GJC1: variants seen among roughly 807,000 people sequenced by gnomAD.
GJC1 encodes gap junction gamma-1 protein.
A neutral mutation model predicts 29.3 loss-of-function variants in GJC1; 5 were observed. The observed-to-expected ratio is 0.17, with a 90% CI of 0.09 to 0.36. The LOEUF (loss-of-function observed/expected upper bound fraction) is 0.36, where lower values mean the gene tolerates loss of function less well. GJC1 is among the 10% of genes least tolerant of loss of function. The probability of loss-of-function intolerance (pLI) is 1.00; values close to 1 mark genes in which losing one functional copy is unlikely to be tolerated. For missense variants in GJC1, 310 were observed against 496.2 expected (o/e 0.62, Z 3.56); for synonymous variants, 177 against 183.3 (o/e 0.97, Z 0.28).
rs199789186 is a variant in GJC1, at chr17:44,804,300, T to TA, written c.*326dup. On this transcript the variant is annotated 3_prime_UTR_variant, in exon 3 of 3. Transcript: ENST00000592524. ...ACAAATACAAAAAAAGTTCTCATAC[T>TA]AAAAAAAAAAAAGTACCATAATACT... 0.14 allele frequency: 26,725 copies of TA among 187,674 alleles called. 1,519 individuals carry two copies. The highest frequency in any genetic ancestry group is 0.19 in the African/African-American group (7,994 of 41,082). The allele number at this position is 187,674 out of a possible 1,614,324, so 11.6% of individuals were successfully genotyped here.
intron 1 of GJC1, among the ~76,000 whole-genome samples, chr17:44,809,661 C>T (rs1238980092): frequency 1.3e-5 from 2 of 151,944 alleles, no homozygotes; most frequent in Non-Finnish European, 1.5e-5. Flanking sequence ...ACCTCCACCT[C>T]CCAGGTTCAA....
chr17:44,808,406 G>A (rs1311716314), intron 1 of GJC1, among the ~76,000 whole-genome samples: 1 of 148,650 alleles, frequency 6.7e-6, no homozygotes, highest in African/African-American at 2.5e-5. Flanking sequence ...CAACCTGGTA[G>A]ATAGAACAAC....
At chr17:44,813,607 C>T (rs1020458011) in intron 1 of GJC1, among the ~76,000 whole-genome samples, 5 of 150,176 alleles carry the variant, frequency 3.3e-5, no homozygotes, top group Non-Finnish European at 5.9e-5. Context: ...ATTCTCCTGC[C>T]TTAGCATCCT....
intron 1 of GJC1, among the ~76,000 whole-genome samples, chr17:44,810,759 T>C (rs1249189797): frequency 6.6e-6 from 1 of 152,094 alleles, no homozygotes; most frequent in Non-Finnish European, 1.5e-5. Context: ...CTCTCTATAC[T>C]GGATGGACAT....
At chr17:44,830,436 C>T (rs1457742206), upstream of GJC1, among the ~76,000 whole-genome samples, 1 of 152,108 alleles carries the variant, frequency 6.6e-6, no homozygotes, top group African/African-American at 2.4e-5. The surrounding 1 kb of genome is among the most constrained non-coding windows in gnomAD (Gnocchi z 4.3). Context: ...CGGTCGAGTC[C>T]TCGCCGCTCT....
In GJC1 at chr17:44,805,962, T is replaced by A; in HGVS notation, c.-20-125A>T. Reference sequence around the variant, plus strand: ...TGAAATCTAACCTCAAGGTTCACAGTGGAACAAATGTTAGAATAAACAGCA... The same window carrying A: ...TGAAATCTAACCTCAAGGTTCACAGAGGAACAAATGTTAGAATAAACAGCA... On this transcript the variant is annotated intron_variant, in intron 2 of 2. Coordinates refer to ENST00000592524, the MANE Select transcript of GJC1 (RefSeq NM_005497.4). This position sits in a 1 kb window ranked among gnomAD's most constrained non-coding sequence, Gnocchi z 5.1. The A allele has an allele frequency of 1.7e-6, 1 of 596,536 alleles. No homozygotes were observed. The highest frequency in any genetic ancestry group is 2.9e-6 in the Non-Finnish European group (1 of 343,840). 37.0% of individuals were successfully genotyped at this position (596,536 alleles called of 1,614,324 possible).
intron 1 of GJC1, among the ~76,000 whole-genome samples, chr17:44,822,159 T>C (rs1339254879): frequency 8.1e-6 from 1 of 123,408 alleles, no homozygotes; most frequent in Non-Finnish European, 1.6e-5. Context: ...ATCGTGCCAC[T>C]GCACTCCAGC....
At chr17:44,798,059 C>T (rs1378198081), downstream of GJC1, among the ~76,000 whole-genome samples, 2 of 152,168 alleles carry the variant, frequency 1.3e-5, no homozygotes, top group East Asian at 1.9e-4. Context: ...CCTCCAGAAC[C>T]GAGGGAAGTC....
chr17:44,819,008 C>G (rs2050074391), intron 1 of GJC1, among the ~76,000 whole-genome samples: 1 of 152,008 alleles, frequency 6.6e-6, no homozygotes, highest in Non-Finnish European at 1.5e-5. Flanking sequence ...AAAAACCCCC[C>G]TCATTAACTT....
chr17:44,804,422 G>T lies in GJC1; in HGVS notation c.*205C>A. On this transcript the variant is annotated 3_prime_UTR_variant, in exon 3 of 3. Coordinates refer to ENST00000592524, the MANE Select transcript of GJC1 (RefSeq NM_005497.4). Reference sequence around the variant, plus strand: ...TGTAAAGTTCTGCAACTGTATTATTGCTAAGAACATGTGCCTGGGAACACT... The same window carrying T: ...TGTAAAGTTCTGCAACTGTATTATTTCTAAGAACATGTGCCTGGGAACACT... 1 of 544,202 alleles carries T rather than the reference G, an allele frequency of 1.8e-6. No individual in the cohort carries two copies. The highest frequency in any genetic ancestry group is 3.2e-6 in the Non-Finnish European group (1 of 308,150). 33.7% of individuals were successfully genotyped at this position (544,202 alleles called of 1,614,324 possible).
rs1292173712 is a variant in GJC1 at position 44,798,514 on chromosome 17, G to A, written c.*6113C>T. The A allele has an allele frequency of 6.6e-6, 1 of 152,190 alleles. No homozygotes were observed. Among genetic ancestry groups the A allele is most frequent in the East Asian group, 1.9e-4 (1 of 5,200 alleles). The allele number at this position is 152,190 out of a possible 1,614,324, so 9.4% of individuals were successfully genotyped here. Reference sequence around the variant, plus strand: ...AGAGACAAGGCCCTGAGCACACAGAGTCCGTCTCCACCATGAAAATATTAC... The same window carrying A: ...AGAGACAAGGCCCTGAGCACACAGAATCCGTCTCCACCATGAAAATATTAC... On this transcript the variant is annotated 3_prime_UTR_variant, in exon 3 of 3. Transcript: ENST00000592524.
intron 1 of GJC1, among the ~76,000 whole-genome samples, chr17:44,814,470 GCTT>G (rs1466821653): frequency 2.6e-5 from 4 of 151,940 alleles, no homozygotes; most frequent in South Asian, 2.1e-4. Flanking sequence ...TTCTTGAATG[GCTT>G]CTTAAATTTT....
At chr17:44,809,859 G>A (rs921327667) in intron 1 of GJC1, among the ~76,000 whole-genome samples, 58 of 149,054 alleles carry the variant, frequency 3.9e-4, no homozygotes, top group African/African-American at 1.3e-3. Context: ...GAGCCACCAC[G>A]CCCAGCCTTT....
chr17:44,803,636 A>G lies in GJC1; in HGVS notation c.*991T>C, dbSNP rs755100273. On this transcript the variant is annotated 3_prime_UTR_variant, in exon 3 of 3. Transcript: ENST00000592524. ...TGACAAGGGAATGTTTGCATTTCTA[A>G]TGTTAACAAAGAAAATATCCACCAC... 6 of 152,234 alleles carry G rather than the reference A, an allele frequency of 3.9e-5. No individual in the cohort carries two copies. The highest frequency in any genetic ancestry group is 7.3e-5 in the Non-Finnish European group (5 of 68,034). 9.4% of individuals were successfully genotyped at this position (152,234 alleles called of 1,614,324 possible).
intron 1 of GJC1, among the ~76,000 whole-genome samples, chr17:44,825,910 A>G (rs949191898): frequency 6.6e-6 from 1 of 152,164 alleles, no homozygotes; most frequent in Admixed American, 6.6e-5. Context: ...TTCATTTACC[A>G]GAATACTTCA....
chr17:44,823,534 G>C (rs2050136301), intron 1 of GJC1, among the ~76,000 whole-genome samples: 1 of 151,520 alleles, frequency 6.6e-6, no homozygotes, highest in Non-Finnish European at 1.5e-5. Flanking sequence ...ACAGGCGTGA[G>C]CCACCGTACC....
chr17:44,806,968 A>G (rs2049920002), intron 2 of GJC1, among the ~76,000 whole-genome samples: 1 of 152,220 alleles, frequency 6.6e-6, no homozygotes, highest in African/African-American at 2.4e-5. Flanking sequence ...GGAACTAGGA[A>G]GATCTTCCCT....
rs2049883224 is a variant in GJC1, at chr17:44,804,153, A to C, written c.*474T>G. 1 of 153,992 alleles carries C rather than the reference A, an allele frequency of 6.5e-6. No homozygotes were observed. The highest frequency in any genetic ancestry group is 1.4e-5 in the Non-Finnish European group (1 of 69,426). 9.5% of individuals were successfully genotyped at this position (153,992 alleles called of 1,614,324 possible). ...GGCACTTTTATTAGGTGTAGCATCT[A>C]TTAAAAACTCTAAAGCCAGGGTAGA... On this transcript the variant is annotated 3_prime_UTR_variant, in exon 3 of 3. Coordinates refer to ENST00000592524, the MANE Select transcript of GJC1 (RefSeq NM_005497.4).
In GJC1 at chr17:44,805,933, T is replaced by A. The variant is rs778842759; in HGVS notation, c.-20-96A>T. ...TATCTCTAGGAACTACTGCTTTGAA[T>A]ACTTGAAATCTAACCTCAAGGTTCA... On this transcript the variant is annotated intron_variant, in intron 2 of 2. Transcript: ENST00000592524. The surrounding 1 kb of genome is among the most constrained non-coding windows in gnomAD (Gnocchi z 5.1). 4.7e-6 allele frequency: 3 copies of A among 642,224 alleles called. No individual in the cohort carries two copies. Among genetic ancestry groups the A allele is most frequent in the Non-Finnish European group, 8.0e-6 (3 of 375,818 alleles). 39.8% of individuals were successfully genotyped at this position (642,224 alleles called of 1,614,324 possible).
Sources: allele counts gnomAD v4.1 joint callset (sites outside exome capture counted in the v4.1 genomes callset), GRCh38; gene constraint gnomAD v4.1.1; non-coding constraint Gnocchi (gnomAD v3.1); transcripts MANE v1.5; gene names NCBI Gene and HGNC (gene_info 2026-07-23, HGNC 2026-07-21).